The following PCED1B variants were observed in gnomAD, a reference collection of about 807,000 sequenced individuals.
PCED1B encodes PC-esterase domain containing 1B.
For synonymous variants in PCED1B, 251 were observed against 246.1 expected, an observed-to-expected ratio of 1.02 and a Z score of -0.19; for missense variants, 573 against 573.9, an observed-to-expected ratio of 1.00 and a Z score of 0.02.
chr12:47,226,139 GA>G (rs1230341865), intron 3 of PCED1B, among the ~76,000 whole-genome samples: 1 of 151,972 alleles, frequency 6.6e-6, no homozygotes, highest in Non-Finnish European at 1.5e-5. Context: ...AATTTACTTT[GA>G]AAACAGAAAA....
intron 3 of PCED1B, among the ~76,000 whole-genome samples, chr12:47,227,221 C>A (rs949578832): frequency 5.3e-5 from 8 of 151,980 alleles, no homozygotes; most frequent in Non-Finnish European, 8.8e-5. Flanking sequence ...TGGAGTGCAG[C>A]AGCAAGATGG....
chr12:47,167,673 C>G (rs1365956897), intron 2 of PCED1B, among the ~76,000 whole-genome samples: 1 of 152,146 alleles, frequency 6.6e-6, no homozygotes, highest in South Asian at 2.1e-4. Context: ...GATGATATTG[C>G]TGAACCATGG....
At chr12:47,170,765 G>A (rs947935074) in intron 2 of PCED1B, among the ~76,000 whole-genome samples, 2 of 152,042 alleles carry the variant, frequency 1.3e-5, no homozygotes, top group South Asian at 2.1e-4. Flanking sequence ...AGAAAATTTA[G>A]CCCATTCATG....
At chr12:47,092,037 T>C (rs966590459) in intron 1 of PCED1B, among the ~76,000 whole-genome samples, 1 of 152,116 alleles carries the variant, frequency 6.6e-6, no homozygotes, top group Non-Finnish European at 1.5e-5. Context: ...ACATTTGATA[T>C]GAATTTTAGG....
At chr12:47,171,319 GC>G (rs1941726426) in intron 2 of PCED1B, among the ~76,000 whole-genome samples, 1 of 152,054 alleles carries the variant, frequency 6.6e-6, no homozygotes. Flanking sequence ...CGCCCACCTT[GC>G]CCTCCCAAAG....
chr12:47,212,863 C>T (rs1943135983), intron 2 of PCED1B, among the ~76,000 whole-genome samples: 1 of 152,196 alleles, frequency 6.6e-6, no homozygotes, highest in Non-Finnish European at 1.5e-5. Flanking sequence ...AGTCACACAG[C>T]TTGTGGATTA....
At chr12:47,162,654 A>C (rs1312546084) in intron 2 of PCED1B, among the ~76,000 whole-genome samples, 1 of 152,180 alleles carries the variant, frequency 6.6e-6, no homozygotes, top group African/African-American at 2.4e-5. Context: ...GCAACAAGAA[A>C]GAGAGAGAGG....
intron 2 of PCED1B, among the ~76,000 whole-genome samples, chr12:47,191,392 C>G (rs1942434738): frequency 6.6e-6 from 1 of 152,186 alleles, no homozygotes; most frequent in African/African-American, 2.4e-5. Flanking sequence ...TAAGTTTCTT[C>G]CTAATTCTAT....
At chr12:47,083,291 C>T (rs779709543) in intron 1 of PCED1B, among the ~76,000 whole-genome samples, 2 of 152,046 alleles carry the variant, frequency 1.3e-5, no homozygotes, top group Non-Finnish European at 2.9e-5. Flanking sequence ...TACCACGCGT[C>T]CTGTAGTCAG....
chr12:47,084,289 A>G (rs1317266105), intron 1 of PCED1B, among the ~76,000 whole-genome samples: 1 of 152,234 alleles, frequency 6.6e-6, no homozygotes, highest in Non-Finnish European at 1.5e-5. Flanking sequence ...CTATACTGAA[A>G]GTGAAAAACA....
At chr12:47,196,138 T>A (rs1171194351) in intron 2 of PCED1B, among the ~76,000 whole-genome samples, 1 of 152,210 alleles carries the variant, frequency 6.6e-6, no homozygotes, top group Non-Finnish European at 1.5e-5. Flanking sequence ...ATTTTTAAAG[T>A]AGAGTGTTTA....
At chr12:47,162,123 G>T (rs572358635) in intron 2 of PCED1B, among the ~76,000 whole-genome samples, 3 of 147,512 alleles carry the variant, frequency 2.0e-5, no homozygotes, top group Admixed American at 6.6e-5. Context: ...TGGGGTGGTG[G>T]GGGGGGGAAG....
At chr12:47,150,762 G>A (rs1432545293) in intron 2 of PCED1B, among the ~76,000 whole-genome samples, 1 of 151,926 alleles carries the variant, frequency 6.6e-6, no homozygotes, top group South Asian at 2.1e-4. Flanking sequence ...GAGCAGCAAG[G>A]AGGCCAGTGT....
At chr12:47,157,261 G>A (rs1225256598) in intron 2 of PCED1B, among the ~76,000 whole-genome samples, 2 of 152,088 alleles carry the variant, frequency 1.3e-5, no homozygotes, top group African/African-American at 4.8e-5. Flanking sequence ...ACATTCATTG[G>A]TGAAAATTTG....
intron 2 of PCED1B, among the ~76,000 whole-genome samples, chr12:47,165,693 G>T (rs1433502826): frequency 6.6e-6 from 1 of 152,080 alleles, no homozygotes; most frequent in Non-Finnish European, 1.5e-5. Flanking sequence ...ACAAAATCTT[G>T]TTCTTCCATT....
intron 2 of PCED1B, among the ~76,000 whole-genome samples, chr12:47,189,214 T>C (rs832731): frequency 0.13 from 19,848 of 152,180 alleles, 3,891 homozygotes; most frequent in African/African-American, 0.43. Context: ...AAAGCATGCA[T>C]TGTGTTTTTA....
At chr12:47,160,293 C>CTTTTTTTTTTTTTTTTTTT (rs59856338) in intron 2 of PCED1B, among the ~76,000 whole-genome samples, 43 of 69,224 alleles carry the variant, frequency 6.2e-4, no homozygotes, top group Non-Finnish European at 8.1e-4. Flanking sequence ...TTTTCTTTTT[C>CTTTTTTTTTTTTTTTTTTT]TTTTTTTTTT....
At chr12:47,176,329 A>T (rs1288191299) in intron 2 of PCED1B, among the ~76,000 whole-genome samples, 2 of 152,102 alleles carry the variant, frequency 1.3e-5, no homozygotes, top group Non-Finnish European at 2.9e-5. Flanking sequence ...AATCCCTTGG[A>T]AATCCCTGGG....
chr12:47,233,034 C>T (rs1156308488), intron 3 of PCED1B, among the ~76,000 whole-genome samples: 1 of 151,886 alleles, frequency 6.6e-6, no homozygotes, highest in Non-Finnish European at 1.5e-5. Context: ...CATCCTGAGC[C>T]CAAGCCATCC....
Sources: allele counts gnomAD v4.1 joint callset (sites outside exome capture counted in the v4.1 genomes callset), GRCh38; gene constraint gnomAD v4.1.1; transcripts MANE v1.5; gene names NCBI Gene and HGNC (gene_info 2026-07-23, HGNC 2026-07-21).